Variants in LIPI observed in about 807,000 individuals in gnomAD.
The protein encoded by LIPI is lipase I.
In LIPI, 59 loss-of-function variants were observed where a neutral mutation model predicts 50.6. The ratio of observed to expected loss-of-function variants is 1.16; its 90% CI spans 0.94 to 1.45. The LOEUF (loss-of-function observed/expected upper bound fraction) is 1.45, where lower values mean the gene tolerates loss of function less well. Ranked by LOEUF, LIPI falls within the 40% of genes most tolerant of loss-of-function variation. The pLI is 0.00. For missense variants in LIPI, 586 were observed against 536.3 expected, an observed-to-expected ratio of 1.09 and a Z score of -0.92; for synonymous variants, 203 against 178.2, an observed-to-expected ratio of 1.14 and a Z score of -1.11.
chr21:14,116,738 G>T (rs890060962), intron 9 of LIPI, among the ~76,000 whole-genome samples: 2 of 152,112 alleles, frequency 1.3e-5, no homozygotes, highest in African/African-American at 2.4e-5. Context: ...GGCTGAACGT[G>T]ATTCAGACCC....
chr21:14,123,856 A>G (rs1600834573), intron 9 of LIPI, among the ~76,000 whole-genome samples: 1 of 152,346 alleles, frequency 6.6e-6, no homozygotes, highest in African/African-American at 2.4e-5. Flanking sequence ...AAAATAGGCT[A>G]GCATTAGACT....
At chr21:14,194,703 GT>G (rs755629426) in intron 1 of LIPI, among the ~76,000 whole-genome samples, 33 of 152,128 alleles carry the variant, frequency 2.2e-4, no homozygotes, top group Non-Finnish European at 4.1e-4. Context: ...CAGAATTTGA[GT>G]TTTGAAAGAT....
chr21:14,163,544 C>A, intron 6 of LIPI, 21 bp from the exon 7 acceptor site: 1 of 1,145,566 alleles, frequency 8.7e-7, no homozygotes, highest in Non-Finnish European at 1.3e-6. Flanking sequence ...AGAAATAGAA[C>A]ATTAGAAATT....
At chr21:14,144,853 A>G (rs2017845971) in intron 8 of LIPI, 54 bp from the exon 9 acceptor site, 7 of 1,265,912 alleles carry the variant, frequency 5.5e-6, no homozygotes, top group South Asian at 1.2e-5. Flanking sequence ...ACATAACTCA[A>G]TTCTAAAATC....
At chr21:14,176,058 G>C (rs1205242536) in intron 4 of LIPI, among the ~76,000 whole-genome samples, 3 of 151,620 alleles carry the variant, frequency 2.0e-5, no homozygotes, top group Non-Finnish European at 4.4e-5. Flanking sequence ...GGCGCCTGTG[G>C]TCCCAGCTAC....
intron 3 of LIPI, among the ~76,000 whole-genome samples, chr21:14,182,460 T>C (rs1600910042): frequency 6.6e-6 from 1 of 152,142 alleles, no homozygotes; most frequent in Admixed American, 6.6e-5. Flanking sequence ...TTTCTGGGAA[T>C]TGTCAAAAAG....
intron 4 of LIPI, among the ~76,000 whole-genome samples, chr21:14,167,019 C>T (rs1476792435): frequency 6.6e-6 from 1 of 152,242 alleles, no homozygotes; most frequent in Non-Finnish European, 1.5e-5. Flanking sequence ...TAATACTGCG[C>T]TTCTGCGATG....
chr21:14,177,875 T>C (rs1600903572), intron 4 of LIPI, among the ~76,000 whole-genome samples: 3 of 152,260 alleles, frequency 2.0e-5, no homozygotes, highest in Non-Finnish European at 4.4e-5. Flanking sequence ...GAAGAATACA[T>C]TTCTGCTCAT....
chr21:14,165,449 T>C (rs1295409963), intron 5 of LIPI, 59 bp from the exon 6 acceptor site: 3 of 1,279,562 alleles, frequency 2.3e-6, no homozygotes, highest in African/African-American at 1.5e-5. Context: ...TTCAAGTACA[T>C]TTAAAAACAA....
chr21:14,118,513 G>A (rs1193474944), intron 9 of LIPI, among the ~76,000 whole-genome samples: 1 of 152,160 alleles, frequency 6.6e-6, no homozygotes, highest in Non-Finnish European at 1.5e-5. Flanking sequence ...CTACAAAACT[G>A]CAGGCTCAGA....
At chr21:14,192,963 TA>T (rs759275573) in intron 1 of LIPI, among the ~76,000 whole-genome samples, 2 of 152,136 alleles carry the variant, frequency 1.3e-5, no homozygotes, top group Non-Finnish European at 2.9e-5. Flanking sequence ...ATATGACAAA[TA>T]AAAACAGTTT....
chr21:14,148,568 T>C (rs2017983848), intron 8 of LIPI, among the ~76,000 whole-genome samples: 2 of 152,200 alleles, frequency 1.3e-5, no homozygotes, highest in Non-Finnish European at 2.9e-5. Flanking sequence ...TGTGTTACAA[T>C]TGCCTCCAGT....
intron 8 of LIPI, among the ~76,000 whole-genome samples, chr21:14,145,420 G>T (rs1486644068): frequency 6.6e-6 from 1 of 152,116 alleles, no homozygotes; most frequent in Non-Finnish European, 1.5e-5. Flanking sequence ...AGCTAATAAT[G>T]CTCCTCACTG....
intron 1 of LIPI, among the ~76,000 whole-genome samples, chr21:14,204,081 T>C (rs1475864178): frequency 6.6e-6 from 1 of 151,974 alleles, no homozygotes; most frequent in Non-Finnish European, 1.5e-5. Flanking sequence ...CACTGGGCCC[T>C]GTTTGTGGGG....
At chr21:14,196,824 TCAA>T (rs925372671) in intron 1 of LIPI, among the ~76,000 whole-genome samples, 1 of 151,946 alleles carries the variant, frequency 6.6e-6, no homozygotes, top group African/African-American at 2.4e-5. Flanking sequence ...AGAACCTATC[TCAA>T]CAACAACAAC....
At position 14,173,393 on chromosome 21, in the gene LIPI, C is replaced by G. The variant is rs181651622; in HGVS notation, c.644-6942G>C. Among the ~76,000 whole-genome samples, 22 of 152,248 alleles carry G rather than the reference C, an allele frequency of 1.4e-4. No homozygotes were observed. The East Asian group carries it at 3.7e-3, about 25-fold the overall frequency. ...TGACATGAAACACATAGCTTTGATT[C>G]AAGGGTTTATGTAGCCCTGTAGATC... On this transcript the variant is annotated intron_variant, in intron 4 of 9. Transcript: ENST00000681601.
At chr21:14,159,452 T>G (rs948943119) in intron 7 of LIPI, among the ~76,000 whole-genome samples, 14 of 151,434 alleles carry the variant, frequency 9.2e-5, no homozygotes, top group Admixed American at 5.3e-4. Context: ...CCAACACATA[T>G]TTATGAGGTA....
At chr21:14,182,135 A>C (rs2019294965) in intron 3 of LIPI, among the ~76,000 whole-genome samples, 1 of 152,172 alleles carries the variant, frequency 6.6e-6, no homozygotes, top group Admixed American at 6.5e-5. Context: ...AATTAGGAGT[A>C]ATAAAGTAGT....
intron 7 of LIPI, among the ~76,000 whole-genome samples, chr21:14,154,462 C>A (rs2018207834): frequency 6.6e-6 from 1 of 151,196 alleles, no homozygotes; most frequent in Non-Finnish European, 1.5e-5. Context: ...AACGTTAAAA[C>A]CAGAAGGAAG....
Sources: allele counts gnomAD v4.1 joint callset (sites outside exome capture counted in the v4.1 genomes callset), GRCh38; gene constraint gnomAD v4.1.1; transcripts MANE v1.5; gene names NCBI Gene and HGNC (gene_info 2026-07-23, HGNC 2026-07-21).